The following TENM3 variants were observed in gnomAD, a reference collection of about 807,000 sequenced individuals.
The protein encoded by TENM3 is teneurin transmembrane protein 3.
Under a neutral mutation model 255.1 loss-of-function variants are expected in TENM3, and 63 were observed. The ratio of observed to expected loss-of-function variants is 0.25; its 90% CI spans 0.20 to 0.30. The LOEUF (loss-of-function observed/expected upper bound fraction) is 0.30. Among genes scored for constraint, TENM3 ranks in the 10% least tolerant of loss-of-function variants. The pLI is 1.00. For synonymous variants in TENM3, 1,306 were observed against 1,322.3 expected, an observed-to-expected ratio of 0.99 and a Z score of 0.27; for missense variants, 2,929 against 3,461.1, an observed-to-expected ratio of 0.85 and a Z score of 3.86.
chr4:181,967,447 G>A, the TENM3 span, among the ~76,000 whole-genome samples: 12 of 152,168 alleles, frequency 7.9e-5, no homozygotes, highest in Non-Finnish European at 1.6e-4. Flanking sequence ...TGTTCCTCCT[G>A]TTAATTTTTT....
chr4:182,433,125 A>G (rs1771785951), intron 3 of TENM3, among the ~76,000 whole-genome samples: 1 of 152,142 alleles, frequency 6.6e-6, no homozygotes, highest in Non-Finnish European at 1.5e-5. Context: ...AGAGGTAGTG[A>G]TTGTGGTGAT....
At chr4:182,249,781 T>A (rs1757876849) in intron 1 of TENM3, among the ~76,000 whole-genome samples, 1 of 152,136 alleles carries the variant, frequency 6.6e-6, no homozygotes. Context: ...TTAGTTTTTT[T>A]AGAGACTAGG....
At chr4:181,844,420 G>C in the TENM3 span, among the ~76,000 whole-genome samples, 1 of 152,018 alleles carries the variant, frequency 6.6e-6, no homozygotes, top group African/African-American at 2.4e-5. Context: ...TGTAATCCCA[G>C]CACTTTGAGA....
chr4:181,603,672 G>A, the TENM3 span, among the ~76,000 whole-genome samples: 1 of 152,168 alleles, frequency 6.6e-6, no homozygotes, highest in Admixed American at 6.5e-5. Flanking sequence ...CCTACTGCCA[G>A]CAAGGAACTA....
the TENM3 span, among the ~76,000 whole-genome samples, chr4:181,754,324 A>G: frequency 1.3e-5 from 2 of 151,326 alleles, no homozygotes; most frequent in Admixed American, 1.3e-4. Flanking sequence ...ACACACACAG[A>G]CAATCACATA....
chr4:181,519,961 CAA>C, the TENM3 span, among the ~76,000 whole-genome samples: 1 of 152,184 alleles, frequency 6.6e-6, no homozygotes, highest in East Asian at 1.9e-4. Flanking sequence ...TAGAATTGCT[CAA>C]GTCAGAATTT....
intron 1 of TENM3, among the ~76,000 whole-genome samples, chr4:182,250,115 C>G (rs4504302): frequency 7.0e-6 from 1 of 143,414 alleles, no homozygotes; most frequent in African/African-American, 2.6e-5. Flanking sequence ...TGCAGTGGTG[C>G]GATCTGGGCT....
chr4:182,292,214 A>C (rs1761176187), intron 1 of TENM3, among the ~76,000 whole-genome samples: 2 of 152,238 alleles, frequency 1.3e-5, no homozygotes, highest in African/African-American at 4.8e-5. Context: ...GAAGGTGGGC[A>C]TATTGATACC....
At chr4:181,619,394 T>C in the TENM3 span, among the ~76,000 whole-genome samples, 1 of 152,270 alleles carries the variant, frequency 6.6e-6, no homozygotes, top group East Asian at 1.9e-4. Context: ...CTTTATAACA[T>C]CAAAACTTAA....
the TENM3 span, among the ~76,000 whole-genome samples, chr4:181,743,070 C>A: frequency 6.6e-6 from 1 of 151,838 alleles, no homozygotes; most frequent in Admixed American, 6.6e-5. Context: ...TTAATCCAGT[C>A]TATCATTGTT....
chr4:181,624,649 G>A, the TENM3 span, among the ~76,000 whole-genome samples: 3 of 152,216 alleles, frequency 2.0e-5, no homozygotes, highest in African/African-American at 7.2e-5. Context: ...ACATTGGCTG[G>A]CACTCAGATG....
the TENM3 span, among the ~76,000 whole-genome samples, chr4:181,985,161 A>C: frequency 1.3e-5 from 2 of 152,046 alleles, no homozygotes; most frequent in Admixed American, 6.6e-5. Flanking sequence ...GAAAAATTTC[A>C]TGAGAAAAAG....
chr4:181,701,160 C>T, the TENM3 span, among the ~76,000 whole-genome samples: 1 of 152,226 alleles, frequency 6.6e-6, no homozygotes, highest in African/African-American at 2.4e-5. Context: ...AAAGGTAAGG[C>T]AGGTCAGACT....
At chr4:181,901,404 G>A in the TENM3 span, among the ~76,000 whole-genome samples, 4 of 152,202 alleles carry the variant, frequency 2.6e-5, no homozygotes, top group African/African-American at 9.7e-5. Flanking sequence ...CCCAGAATGG[G>A]ATCCACCTTT....
intron 1 of TENM3, among the ~76,000 whole-genome samples, chr4:182,151,731 C>G (rs1329013218): frequency 1.3e-5 from 2 of 151,920 alleles, no homozygotes; most frequent in African/African-American, 4.8e-5. Context: ...TTACATTTTT[C>G]TCTATTTATA....
chr4:181,882,384 C>T, the TENM3 span, among the ~76,000 whole-genome samples: 1 of 152,136 alleles, frequency 6.6e-6, no homozygotes, highest in African/African-American at 2.4e-5. Flanking sequence ...AAGGAGTGAG[C>T]CTTTATTTTC....
At chr4:181,785,554 A>C in the TENM3 span, among the ~76,000 whole-genome samples, 6 of 152,172 alleles carry the variant, frequency 3.9e-5, no homozygotes, top group Non-Finnish European at 7.3e-5. Context: ...CGAAAATCCA[A>C]AATCCAAAAT....
chr4:182,195,706 A>G (rs538555278), intron 1 of TENM3, among the ~76,000 whole-genome samples: 1 of 152,202 alleles, frequency 6.6e-6, no homozygotes, highest in Non-Finnish European at 1.5e-5. Context: ...AGTATTAATT[A>G]CTAGTCATAA....
chr4:182,734,616 T>C (rs114173765), intron 16 of TENM3, among the ~76,000 whole-genome samples: 2,339 of 152,248 alleles, frequency 0.015, 71 homozygotes, highest in African/African-American at 0.054. Context: ...AAGATAGAAT[T>C]GGCAGGACAT....
Sources: allele counts gnomAD v4.1 joint callset (sites outside exome capture counted in the v4.1 genomes callset), GRCh38; gene constraint gnomAD v4.1.1; transcripts MANE v1.5; gene names NCBI Gene and HGNC (gene_info 2026-07-23, HGNC 2026-07-21).